Variants in P2RX7 observed in about 807,000 individuals in gnomAD.
P2RX7 encodes P2X purinoceptor 7.
In P2RX7, 62 loss-of-function variants were observed where a neutral mutation model predicts 71.6. That is an observed-to-expected ratio of 0.87 (90% CI 0.71 to 1.07). The LOEUF (loss-of-function observed/expected upper bound fraction) is 1.07. Among genes scored for constraint, P2RX7 ranks in the 50% least tolerant of loss-of-function variants. The pLI, the probability that P2RX7 is intolerant of heterozygous loss-of-function variation, is 0.00. For missense variants in P2RX7, 686 were observed against 748.5 expected (o/e 0.92, Z 0.97); for synonymous variants, 299 against 283.3 (o/e 1.06, Z -0.56).
intron 11 of P2RX7, among the ~76,000 whole-genome samples, chr12:121,177,879 T>C (rs1035113908): frequency 9.2e-5 from 14 of 151,996 alleles, no homozygotes; most frequent in South Asian, 2.1e-4. Context: ...CCACCACACC[T>C]GGCTAATTTT....
chr12:121,166,676 A>G (rs1881103098), intron 7 of P2RX7, among the ~76,000 whole-genome samples: 1 of 152,024 alleles, frequency 6.6e-6, no homozygotes, highest in African/African-American at 2.4e-5. Flanking sequence ...TGTCTTACAA[A>G]GAGAGAGAGC....
chr12:121,162,930 A>C (rs937257327), intron 5 of P2RX7, among the ~76,000 whole-genome samples: 1 of 151,998 alleles, frequency 6.6e-6, no homozygotes, highest in East Asian at 1.9e-4. Context: ...AAGCGAGGAA[A>C]GAGAAGGGGA....
intron 3 of P2RX7, among the ~76,000 whole-genome samples, chr12:121,156,629 G>A (rs537695630): frequency 6.6e-6 from 1 of 152,184 alleles, no homozygotes; most frequent in Non-Finnish European, 1.5e-5. Context: ...CTCACTCACA[G>A]CTTCTCCTAC....
At chr12:121,162,979 G>GA (rs1565957624) in intron 5 of P2RX7, among the ~76,000 whole-genome samples, 11 of 151,504 alleles carry the variant, frequency 7.3e-5, no homozygotes, top group Middle Eastern at 6.9e-3. Context: ...GTAAAAGAGG[G>GA]GGGGAAGGAA....
At position 121,134,620 on chromosome 12, in the gene P2RX7, G is replaced by T. The variant is rs1428457375; in HGVS notation, c.125+1525G>T. On this transcript the variant is annotated intron_variant, in intron 1 of 12. Coordinates refer to ENST00000328963, the MANE Select transcript of P2RX7 (RefSeq NM_002562.6). ...TAGGCCAGGCTGGTCTCAAACTCCT[G>T]ACCTCAAGTGATCCGCCCACCTTGG... Among the ~76,000 whole-genome samples the T allele has an allele frequency of 2.0e-5, 3 of 152,326 alleles. No individual in the cohort carries two copies. In the East Asian group the frequency reaches 5.8e-4, roughly 29 times the overall value.
At chr12:121,181,923 G>A (rs1378974149) in intron 12 of P2RX7, among the ~76,000 whole-genome samples, 3 of 151,992 alleles carry the variant, frequency 2.0e-5, no homozygotes, top group Admixed American at 1.3e-4. Context: ...AATTAGCCAG[G>A]CGTGGTGGTG....
At chr12:121,142,738 C>T (rs487417) in intron 1 of P2RX7, among the ~76,000 whole-genome samples, 17,474 of 152,142 alleles carry the variant, frequency 0.11, 1,391 homozygotes, top group African/African-American at 0.22. Context: ...TATAAGGACG[C>T]GTGTAATAGC....
At chr12:121,181,832 G>C (rs1593158809) in intron 12 of P2RX7, among the ~76,000 whole-genome samples, 1 of 152,140 alleles carries the variant, frequency 6.6e-6, no homozygotes, top group East Asian at 1.9e-4. Flanking sequence ...GAGAGGCCAA[G>C]GTGGGCGGAT....
rs375969132 is a variant in P2RX7, at chr12:121,185,083, C to CAA, written c.*292_*293dup. Reference sequence around the variant, plus strand: ...CTGGGAGGCACAGCAAACTGTCCCCCAAAAAAAAAAAAGAGTCCTTACCAA... The same window carrying CAA: ...CTGGGAGGCACAGCAAACTGTCCCCCAAAAAAAAAAAAAAGAGTCCTTACCAA... On this transcript the variant is annotated 3_prime_UTR_variant, in exon 13 of 13. Transcript: ENST00000328963. 3.8e-5 allele frequency: 8 copies of CAA among 211,624 alleles called. No homozygotes were observed. Among genetic ancestry groups the CAA allele is most frequent in the African/African-American group, 4.7e-5 (2 of 42,812 alleles). The allele number at this position is 211,624 out of a possible 1,614,324, so 13.1% of individuals were successfully genotyped here. A position where few individuals can be genotyped will look rare whatever the true frequency, so the allele number is the denominator to read the frequency against.
chr12:121,172,800 A>G (rs1351309198), intron 8 of P2RX7, among the ~76,000 whole-genome samples: 3 of 152,236 alleles, frequency 2.0e-5, no homozygotes, highest in Non-Finnish European at 4.4e-5. Context: ...AGGTTTTGAG[A>G]GGTTTTTTAA....
intron 8 of P2RX7, among the ~76,000 whole-genome samples, chr12:121,168,640 G>A (rs1470384888): frequency 6.6e-6 from 1 of 152,154 alleles, no homozygotes; most frequent in Non-Finnish European, 1.5e-5. Flanking sequence ...CTGGAAGGAA[G>A]ATATTGTTTC....
chr12:121,157,410 C>T (rs1878792368), intron 3 of P2RX7, among the ~76,000 whole-genome samples: 1 of 152,212 alleles, frequency 6.6e-6, no homozygotes, highest in Admixed American at 6.5e-5. Context: ...ATCTTGATAA[C>T]ACTCCGTCTA....
intron 5 of P2RX7, 111 bp downstream of exon 5, chr12:121,162,631 C>T (rs576621441): frequency 1.4e-5 from 19 of 1,342,184 alleles, no homozygotes; most frequent in Middle Eastern, 2.6e-4. Context: ...AGTCCTGGGT[C>T]CTACCGGCTT....
intron 5 of P2RX7, among the ~76,000 whole-genome samples, chr12:121,163,628 GATAGA>G (rs1170670417): frequency 2.9e-5 from 3 of 103,002 alleles, no homozygotes; most frequent in Admixed American, 1.0e-4. Flanking sequence ...TAGATAGATA[GATAGA>G]TAGATAGATA....
intron 4 of P2RX7, chr12:121,162,133 C>T (rs548182078): frequency 1.4e-5 from 10 of 721,136 alleles, no homozygotes; most frequent in African/African-American, 1.9e-5. Flanking sequence ...TGAGAGCATA[C>T]ACCTGTTCCG....
intron 3 of P2RX7, among the ~76,000 whole-genome samples, chr12:121,157,665 A>T (rs1878863687): frequency 6.6e-6 from 1 of 152,186 alleles, no homozygotes. Flanking sequence ...ACTTGGAAGA[A>T]AAAGAGTTAG....
chr12:121,161,590 G>A lies in P2RX7; in HGVS notation c.436+616G>A, dbSNP rs185394597. ...GATGGATGCTTGAGGTCAGGGGTTCGAGAACAGCCTGGAAAACATGGTGAA... is the reference window on the plus strand; with the variant it reads ...GATGGATGCTTGAGGTCAGGGGTTCAAGAACAGCCTGGAAAACATGGTGAA... On this transcript the variant is annotated intron_variant, in intron 4 of 12. Coordinates refer to ENST00000328963, the MANE Select transcript of P2RX7 (RefSeq NM_002562.6). 5.4e-3 allele frequency among the ~76,000 whole-genome samples: 812 copies of A among 151,596 alleles called. 5 individuals are homozygous for A. Among genetic ancestry groups the A allele is most frequent in the Middle Eastern group, 0.014 (4 of 294 alleles).
chr12:121,174,729 CAT>C (rs1285069079), intron 8 of P2RX7, among the ~76,000 whole-genome samples: 2 of 151,968 alleles, frequency 1.3e-5, no homozygotes, highest in African/African-American at 4.8e-5. Context: ...AAGGAATAGT[CAT>C]ATTGCTTGAA....
intron 1 of P2RX7, among the ~76,000 whole-genome samples, chr12:121,148,677 C>A (rs528349828): frequency 5.9e-5 from 9 of 152,276 alleles, no homozygotes; most frequent in African/African-American, 2.2e-4. Flanking sequence ...CTAATACAAT[C>A]GGGATTAAAC....
Sources: allele counts gnomAD v4.1 joint callset (sites outside exome capture counted in the v4.1 genomes callset), GRCh38; gene constraint gnomAD v4.1.1; transcripts MANE v1.5; gene names NCBI Gene and HGNC (gene_info 2026-07-23, HGNC 2026-07-21).